The following IFT43 variants were observed in gnomAD, a reference collection of about 807,000 sequenced individuals.
IFT43 encodes intraflagellar transport 43.
Under a neutral mutation model 32.3 loss-of-function variants are expected in IFT43, and 33 were observed. The ratio of observed to expected loss-of-function variants is 1.02; its 90% CI spans 0.77 to 1.37. The LOEUF (loss-of-function observed/expected upper bound fraction) is 1.37. Ranked by LOEUF, IFT43 falls within the 40% of genes most tolerant of loss-of-function variation. The pLI is 0.00. For missense variants in IFT43, 274 were observed against 265.9 expected (o/e 1.03, Z -0.21); for synonymous variants, 93 against 98.2 (o/e 0.95, Z 0.31).
chr14:76,064,583 A>G (rs11621270), intron 5 of IFT43, among the ~76,000 whole-genome samples: 23,500 of 152,158 alleles, frequency 0.15, 1,919 homozygotes, highest in Non-Finnish European at 0.19. Flanking sequence ...GGTTAGTTGT[A>G]GTGTGAGGAT....
chr14:76,030,705 T>G (rs1156820136), intron 3 of IFT43, among the ~76,000 whole-genome samples: 1 of 152,212 alleles, frequency 6.6e-6, no homozygotes, highest in Non-Finnish European at 1.5e-5. Context: ...TTCAGGATAC[T>G]GTTTTCGGAA....
intron 3 of IFT43, chr14:76,058,118 C>T (rs1566729104): frequency 5.0e-6 from 1 of 198,882 alleles, no homozygotes; most frequent in Non-Finnish European, 1.0e-5. Context: ...CGTGTATCAG[C>T]CAGGCCCTGT....
intron 3 of IFT43, among the ~76,000 whole-genome samples, chr14:76,055,262 C>A (rs891524648): frequency 6.6e-6 from 1 of 151,610 alleles, no homozygotes; most frequent in Admixed American, 6.6e-5. Flanking sequence ...GGGAGGATAA[C>A]ATGAACTCAG....
At chr14:76,015,762 A>G (rs1296438221) in intron 2 of IFT43, among the ~76,000 whole-genome samples, 1 of 152,202 alleles carries the variant, frequency 6.6e-6, no homozygotes, top group African/African-American at 2.4e-5. Context: ...TTGTGGTTAA[A>G]CAAGATAAAG....
intron 3 of IFT43, 123 bp downstream of exon 3, chr14:76,022,517 C>T (rs2036312295): frequency 6.2e-6 from 4 of 645,290 alleles, no homozygotes; most frequent in Non-Finnish European, 1.1e-5. Context: ...CCATACAATT[C>T]ACCCACTTAA....
At chr14:76,044,802 G>A (rs575354917) in intron 3 of IFT43, among the ~76,000 whole-genome samples, 4 of 152,096 alleles carry the variant, frequency 2.6e-5, no homozygotes, top group Admixed American at 6.5e-5. Context: ...ACTTATAGGA[G>A]GATTTTCTTC....
intron 5 of IFT43, among the ~76,000 whole-genome samples, chr14:76,073,131 C>G (rs968386460): frequency 1.3e-5 from 2 of 152,024 alleles, no homozygotes; most frequent in African/African-American, 4.8e-5. Context: ...GCACCATGTT[C>G]TCTGCAATGG....
intron 1 of IFT43, among the ~76,000 whole-genome samples, chr14:75,988,517 C>CT (rs11323702): frequency 4.0e-5 from 6 of 151,718 alleles, no homozygotes; most frequent in Non-Finnish European, 7.4e-5. Flanking sequence ...GGCTTGTCAT[C>CT]TTTTTTTTTG....
chr14:75,994,100 G>A (rs1427735654), intron 2 of IFT43, among the ~76,000 whole-genome samples: 3 of 150,290 alleles, frequency 2.0e-5, no homozygotes, highest in Admixed American at 2.0e-4. Flanking sequence ...ATTATAGAAA[G>A]CCCTTTTTTT....
chr14:76,069,925 A>G (rs998670549), intron 5 of IFT43, among the ~76,000 whole-genome samples: 5 of 152,184 alleles, frequency 3.3e-5, no homozygotes, highest in African/African-American at 1.2e-4. Flanking sequence ...GCAGAATTGA[A>G]TACCTCAGAA....
At chr14:76,073,349 G>A (rs1012062442) in intron 5 of IFT43, among the ~76,000 whole-genome samples, 4 of 152,292 alleles carry the variant, frequency 2.6e-5, no homozygotes, top group East Asian at 1.9e-4. Flanking sequence ...GACTTAGGAC[G>A]TCACTTGGCC....
intron 2 of IFT43, among the ~76,000 whole-genome samples, chr14:76,004,511 T>TTTTTAG (rs1302713296): frequency 6.6e-6 from 1 of 152,202 alleles, no homozygotes; most frequent in Non-Finnish European, 1.5e-5. Flanking sequence ...TCATTTTCTT[T>TTTTTAG]GATTTTTTTC....
At chr14:76,057,659 GC>G (rs2140048673) in intron 3 of IFT43, among the ~76,000 whole-genome samples, 1 of 152,264 alleles carries the variant, frequency 6.6e-6, no homozygotes, top group Non-Finnish European at 1.5e-5. Context: ...TACTGGCAAG[GC>G]TGGTGGCCTA....
At chr14:76,034,957 T>G (rs191893929) in intron 3 of IFT43, among the ~76,000 whole-genome samples, 1 of 152,304 alleles carries the variant, frequency 6.6e-6, no homozygotes, top group East Asian at 1.9e-4. Context: ...GAAAGCCAAC[T>G]TGGTAAAGAG....
intron 3 of IFT43, among the ~76,000 whole-genome samples, chr14:76,052,930 G>A (rs2036942606): frequency 6.6e-6 from 1 of 152,100 alleles, no homozygotes; most frequent in Non-Finnish European, 1.5e-5. Context: ...TGAAGCAGAG[G>A]AGCATTTCCC....
rs1594866705 is a variant in IFT43 at position 76,076,507 on chromosome 14, AGATTTATACTCCAGGT to A, written c.296-5785_296-5770del. 1.3e-5 allele frequency: 20 copies of A among 1,564,188 alleles called. No homozygotes were observed. In the South Asian group the frequency reaches 1.7e-4, roughly 14 times the overall value. Reference sequence around the variant, plus strand: ...CCTTTGTTCTCTCCCTGCTGGAGTTAGATTTATACTCCAGGTGAAGAGCTGGGTAGTGCTTGGGGTA... The same window carrying A: ...CCTTTGTTCTCTCCCTGCTGGAGTTAGAAGAGCTGGGTAGTGCTTGGGGTA... On this transcript the variant is annotated intron_variant, in intron 5 of 8. Transcript: ENST00000314067.
At chr14:76,008,421 G>A (rs537485965) in intron 2 of IFT43, among the ~76,000 whole-genome samples, 97 of 152,098 alleles carry the variant, frequency 6.4e-4, no homozygotes, top group African/African-American at 2.3e-3. Flanking sequence ...CTATTTATGA[G>A]GAGTCTACTC....
At position 76,000,211 on chromosome 14, in the gene IFT43, A is replaced by G. The variant is rs2035856068; in HGVS notation, c.147+11234A>G. ...AAAAAATGTTTTCAATGAAATGATC[A>G]TTTGTGATATTTATATTTTTCTTAG... is the stretch of plus-strand genomic sequence containing the variant. On this transcript the variant is annotated intron_variant, in intron 2 of 8. Coordinates refer to ENST00000314067, the MANE Select transcript of IFT43 (RefSeq NM_001102564.3). Among the ~76,000 whole-genome samples, 2 of 150,842 alleles carry G rather than the reference A, an allele frequency of 1.3e-5. 1 individual carries two copies. The highest frequency in any genetic ancestry group is 3.9e-4 in the East Asian group (2 of 5,170).
chr14:76,055,376 T>C (rs914996082), intron 3 of IFT43, among the ~76,000 whole-genome samples: 1 of 150,990 alleles, frequency 6.6e-6, no homozygotes, highest in Non-Finnish European at 1.5e-5. Context: ...TAATAAAAAA[T>C]AAAAATATAC....
Sources: gnomAD v4.1 joint callset for allele counts (sites outside exome capture counted in the v4.1 genomes callset) on GRCh38, gnomAD v4.1.1 for gene constraint, MANE v1.5 for transcripts, NCBI Gene and HGNC (gene_info 2026-07-23, HGNC 2026-07-21) for gene names.